Variants in TPD52L1 observed in about 807,000 individuals in gnomAD.
TPD52L1 encodes tumor protein D53.
Under a neutral mutation model 28.7 loss-of-function variants are expected in TPD52L1, and 18 were observed. That is an observed-to-expected ratio of 0.63 (90% CI 0.43 to 0.93). TPD52L1 has a LOEUF of 0.93. Ranked by LOEUF, TPD52L1 falls within the 40% of genes least tolerant of loss-of-function variation. The pLI, the probability that TPD52L1 is intolerant of heterozygous loss-of-function variation, is 0.00. For missense variants in TPD52L1, 203 were observed against 254.8 expected (o/e 0.80, Z 1.39); for synonymous variants, 75 against 88.8 (o/e 0.84, Z 0.88).
At chr6:125,204,155 C>T (rs1261491927) in intron 1 of TPD52L1, among the ~76,000 whole-genome samples, 1 of 152,168 alleles carries the variant, frequency 6.6e-6, no homozygotes, top group African/African-American at 2.4e-5. Flanking sequence ...ATCTTTTTCA[C>T]TGTACTTACT....
intron 1 of TPD52L1, among the ~76,000 whole-genome samples, chr6:125,174,945 C>A (rs1791728290): frequency 6.6e-6 from 1 of 152,010 alleles, no homozygotes; most frequent in African/African-American, 2.4e-5. Context: ...TCAGCTCTTG[C>A]CATTTTAGGT....
chr6:125,215,600 C>T (rs75234020), intron 1 of TPD52L1, among the ~76,000 whole-genome samples: 3 of 152,228 alleles, frequency 2.0e-5, no homozygotes, highest in East Asian at 1.9e-4. Flanking sequence ...TTGAAAGATT[C>T]GTGATGTCTC....
intron 1 of TPD52L1, among the ~76,000 whole-genome samples, chr6:125,210,302 A>C (rs1197770853): frequency 4.6e-5 from 7 of 152,216 alleles, no homozygotes; most frequent in African/African-American, 1.7e-4. Flanking sequence ...GGACTACACT[A>C]CTGTCCTACC....
Position 125,153,938 on chromosome 6 carries a change from C to T in TPD52L1, c.-14C>T, listed in dbSNP as rs1318769420. 1.7e-5 allele frequency: 27 copies of T among 1,605,196 alleles called. 1 individual carries two copies. The East Asian group carries it at 6.0e-4, about 36-fold the overall frequency. On this transcript the variant is annotated 5_prime_UTR_variant, in exon 1 of 7. Coordinates refer to ENST00000534000, the MANE Select transcript of TPD52L1 (RefSeq NM_003287.4). The stretch of plus-strand genomic sequence containing the variant: ...CAGGGTGTCCCCGCCGCCCTCAGCT[C>T]GAAGTCAGCCACCATGGAGGCGCAG...
chr6:125,220,257 G>C (rs1795148521), intron 2 of TPD52L1, 64 bp downstream of exon 2: 10 of 1,046,370 alleles, frequency 9.6e-6, no homozygotes, highest in Non-Finnish European at 1.5e-5. Flanking sequence ...TTATTAGTTT[G>C]ATATAATAAT....
At chr6:125,243,956 T>G (rs1796770862) in intron 3 of TPD52L1, among the ~76,000 whole-genome samples, 1 of 152,220 alleles carries the variant, frequency 6.6e-6, no homozygotes, top group Non-Finnish European at 1.5e-5. Flanking sequence ...AATTTATTTT[T>G]GCTTAAAATT....
intron 3 of TPD52L1, among the ~76,000 whole-genome samples, chr6:125,242,373 G>A (rs114491213): frequency 0.011 from 1,612 of 152,110 alleles, 29 homozygotes; most frequent in African/African-American, 0.037. Flanking sequence ...GACATGTCTA[G>A]TGCTGTCATT....
At chr6:125,193,212 G>A (rs554778253) in intron 1 of TPD52L1, among the ~76,000 whole-genome samples, 4 of 152,266 alleles carry the variant, frequency 2.6e-5, no homozygotes, top group South Asian at 4.2e-4. Flanking sequence ...TTTTCAAGTT[G>A]GGGGGATGGA....
chr6:125,155,108 C>T (rs1790033776), intron 1 of TPD52L1, among the ~76,000 whole-genome samples: 1 of 152,162 alleles, frequency 6.6e-6, no homozygotes, highest in African/African-American at 2.4e-5. Flanking sequence ...CTCCTAAGTC[C>T]TGCCCGTAAA....
intron 1 of TPD52L1, among the ~76,000 whole-genome samples, chr6:125,213,977 G>A (rs985541154): frequency 2.6e-5 from 4 of 152,170 alleles, no homozygotes; most frequent in Admixed American, 2.6e-4. Flanking sequence ...TGGAACAGCC[G>A]CAGTAGGAAG....
chr6:125,187,918 C>G (rs1483971670), intron 1 of TPD52L1, among the ~76,000 whole-genome samples: 1 of 148,408 alleles, frequency 6.7e-6, no homozygotes, highest in Non-Finnish European at 1.5e-5. Flanking sequence ...CACTGGGAAA[C>G]TAAACTGAGA....
chr6:125,155,224 G>A (rs1388395615), intron 1 of TPD52L1, among the ~76,000 whole-genome samples: 1 of 152,238 alleles, frequency 6.6e-6, no homozygotes, highest in African/African-American at 2.4e-5. Flanking sequence ...CAGGTTGGAG[G>A]CCTTCACGCC....
At chr6:125,163,905 ACACTCT>A (rs1179853166) in intron 1 of TPD52L1, among the ~76,000 whole-genome samples, 13 of 148,358 alleles carry the variant, frequency 8.8e-5, no homozygotes, top group African/African-American at 3.2e-4. Flanking sequence ...TGACAGAGTG[ACACTCT>A]GTCTCAAAAA....
At chr6:125,160,837 G>A (rs1790471312) in intron 1 of TPD52L1, among the ~76,000 whole-genome samples, 1 of 146,660 alleles carries the variant, frequency 6.8e-6, no homozygotes, top group South Asian at 2.1e-4. Context: ...GCACTTTTAT[G>A]TTACAGAGAT....
chr6:125,260,921 G>GA (rs1554219324), intron 6 of TPD52L1: 3 of 58,800 alleles, frequency 5.1e-5, no homozygotes, highest in African/African-American at 1.3e-4. Context: ...AAGAAAGAAA[G>GA]AAGAAAGAAA....
intron 1 of TPD52L1, among the ~76,000 whole-genome samples, chr6:125,172,512 CTATATATATATATATATATATATATATA>C (rs60135828): frequency 2.4e-4 from 4 of 16,396 alleles, no homozygotes; most frequent in South Asian, 2.7e-3. Context: ...CTCTTTCATG[CTATATATATATATATATATATATATATA>C]TATATATATA....
chr6:125,253,770 A>C lies in TPD52L1; in HGVS notation c.425+15A>C, dbSNP rs1207658829. On this transcript the variant is annotated intron_variant, in intron 5 of 6. Transcript: ENST00000534000. ...CCTGCTATGAGGTAATGTGTGTAAA[A>C]TATTTTATGTAATATTAATATGAAA... The C allele has an allele frequency of 1.3e-6, 2 of 1,597,356 alleles. No homozygotes were observed.
intron 1 of TPD52L1, among the ~76,000 whole-genome samples, chr6:125,196,866 G>C (rs553697053): frequency 1.2e-4 from 18 of 152,120 alleles, no homozygotes; most frequent in Admixed American, 9.8e-4. Flanking sequence ...TGCAGATCCA[G>C]CATTGGAATT....
chr6:125,157,806 G>T (rs56169342), intron 1 of TPD52L1, among the ~76,000 whole-genome samples: 28,628 of 151,926 alleles, frequency 0.19, 3,955 homozygotes, highest in African/African-American at 0.39. Flanking sequence ...AGTTTCTCAA[G>T]GCCACTGTAA....
Sources: allele counts gnomAD v4.1 joint callset (sites outside exome capture counted in the v4.1 genomes callset), GRCh38; gene constraint gnomAD v4.1.1; transcripts MANE v1.5; gene names NCBI Gene and HGNC (gene_info 2026-07-23, HGNC 2026-07-21).